PPTC7: variants seen among roughly 807,000 people sequenced by gnomAD.
PPTC7 encodes the protein protein phosphatase PTC7 homolog.
A neutral mutation model predicts 30.8 loss-of-function variants in PPTC7; 6 were observed. That is an observed-to-expected ratio of 0.19 (90% CI 0.11 to 0.38). The LOEUF (loss-of-function observed/expected upper bound fraction) is 0.38, where lower values mean the gene tolerates loss of function less well. Ranked by LOEUF, PPTC7 falls within the 10% of genes least tolerant of loss-of-function variation. The pLI is 1.00. For synonymous variants in PPTC7, 163 were observed against 168.1 expected, an observed-to-expected ratio of 0.97 and a Z score of 0.23; for missense variants, 218 against 404.8, an observed-to-expected ratio of 0.54 and a Z score of 3.96.
intron 1 of PPTC7, among the ~76,000 whole-genome samples, chr12:110,575,335 T>A (rs955932514): frequency 6.6e-6 from 1 of 152,088 alleles, no homozygotes; most frequent in Non-Finnish European, 1.5e-5. Flanking sequence ...CTAAAACTTC[T>A]GAACCTAAAG....
At chr12:110,568,793 G>A (rs887663169) in intron 1 of PPTC7, among the ~76,000 whole-genome samples, 11 of 152,096 alleles carry the variant, frequency 7.2e-5, no homozygotes, top group South Asian at 2.1e-4. Context: ...GGATCCTAGC[G>A]TTTCACAAGG....
chr12:110,555,469 T>C (rs930509901), intron 1 of PPTC7, among the ~76,000 whole-genome samples: 1 of 152,214 alleles, frequency 6.6e-6, no homozygotes, highest in African/African-American at 2.4e-5. Context: ...TACTTTGATA[T>C]ATATTTGAAA....
chr12:110,543,425 C>G (rs1593144983), intron 3 of PPTC7, among the ~76,000 whole-genome samples: 2 of 148,506 alleles, frequency 1.3e-5, no homozygotes, highest in African/African-American at 2.5e-5. Context: ...TAAGGAGATA[C>G]ATGCAGCATG....
rs116535061 is a variant in PPTC7, at chr12:110,557,252, A to G, written c.224-5284T>C. 6.1e-3 allele frequency among the ~76,000 whole-genome samples: 929 copies of G among 152,326 alleles called. 16 individuals carry two copies. Among genetic ancestry groups the G allele is most frequent in the African/African-American group, 0.021 (858 of 41,564 alleles). On this transcript the variant is annotated intron_variant, in intron 1 of 5. Transcript: ENST00000354300. The stretch of plus-strand genomic sequence containing the variant: ...GGATTCCAAAAACTTAGTACCAACA[A>G]AAGAAAAACTAAAATGACTTAGTAG...
chr12:110,555,657 A>G (rs1437360022), intron 1 of PPTC7, among the ~76,000 whole-genome samples: 2 of 152,246 alleles, frequency 1.3e-5, no homozygotes, highest in African/African-American at 4.8e-5. Flanking sequence ...TTTGGTATCC[A>G]TGAAACAGAA....
intron 2 of PPTC7, among the ~76,000 whole-genome samples, chr12:110,549,085 A>AT (rs2064332762): frequency 6.6e-6 from 1 of 152,158 alleles, no homozygotes; most frequent in South Asian, 2.1e-4. Flanking sequence ...AAATGGAAAT[A>AT]TTTTTATCAC....
At chr12:110,576,937 C>A (rs2064594095) in intron 1 of PPTC7, among the ~76,000 whole-genome samples, 3 of 152,142 alleles carry the variant, frequency 2.0e-5, no homozygotes, top group Admixed American at 2.0e-4. Flanking sequence ...GAGGCCAAGG[C>A]AGGTGGATCA....
chr12:110,571,144 G>C lies in PPTC7; in HGVS notation c.223+11665C>G, dbSNP rs997159398. Among the ~76,000 whole-genome samples the C allele has an allele frequency of 3.9e-5, 6 of 152,124 alleles. No homozygotes were observed. In the East Asian group the frequency reaches 1.2e-3, roughly 29 times the overall value. The stretch of plus-strand genomic sequence containing the variant: ...TTGTGCACTCGGAAGAAGCTAGGGT[G>C]ATAATGGGGCAAACTAAAAGTAAAA... On this transcript the variant is annotated intron_variant, in intron 1 of 5. Coordinates refer to ENST00000354300, the MANE Select transcript of PPTC7 (RefSeq NM_139283.2).
In PPTC7 at chr12:110,533,571, TTTTG is replaced by T. The variant is rs2135753977; in HGVS notation, c.*3462_*3465del. On this transcript the variant is annotated 3_prime_UTR_variant, in exon 6 of 6. Transcript: ENST00000354300. Reference sequence around the variant, plus strand: ...GAATCCAAATATGTCCTGCTTCATGTTTTGTTTCATAAGCAGATTTTGGTTTTTT... The same window carrying T: ...GAATCCAAATATGTCCTGCTTCATGTTTTCATAAGCAGATTTTGGTTTTTT... 1.3e-5 allele frequency: 2 copies of T among 151,546 alleles called. No homozygotes were observed. Among genetic ancestry groups the T allele is most frequent in the African/African-American group, 4.9e-5 (2 of 40,822 alleles). 9.4% of individuals were successfully genotyped at this position (151,546 alleles called of 1,614,324 possible).
intron 2 of PPTC7, among the ~76,000 whole-genome samples, chr12:110,548,730 C>CCTGG (rs1156289385): frequency 1.2e-4 from 19 of 152,316 alleles, no homozygotes; most frequent in African/African-American, 4.6e-4. Flanking sequence ...GCCAGGCTAT[C>CCTGG]CTTTGCTACC....
intron 1 of PPTC7, among the ~76,000 whole-genome samples, chr12:110,573,977 G>C (rs2064563317): frequency 6.6e-6 from 1 of 150,422 alleles, no homozygotes; most frequent in Non-Finnish European, 1.5e-5. Flanking sequence ...GCAAAACTCT[G>C]TCTCTAAATA....
chr12:110,555,560 G>C (rs561942223), intron 1 of PPTC7, among the ~76,000 whole-genome samples: 1 of 152,332 alleles, frequency 6.6e-6, no homozygotes, highest in African/African-American at 2.4e-5. Context: ...GCTGTGTGGA[G>C]AGCAAGAGCG....
At position 110,546,068 on chromosome 12, in the gene PPTC7, G is replaced by A. The variant is rs547176469; in HGVS notation, c.414C>T (p.Thr138=). 22 of 1,613,578 alleles carry A rather than the reference G, an allele frequency of 1.4e-5. No homozygotes were observed. The highest frequency in any genetic ancestry group is 4.0e-5 in the African/African-American group (3 of 75,002). Residue 138 remains threonine (T), a synonymous_variant, in exon 3 of 6, where the codon ACC becomes ACT. Coordinates refer to ENST00000354300, the MANE Select transcript of PPTC7 (RefSeq NM_139283.2). The stretch of plus-strand genomic sequence containing the variant: ...TTCTGTCCAGCACCACAATGCAGGC[G>A]GTGCTGCTACCTAGAAACAAAAATC... ...QNKVPLLGSS[T]ACIVVLDRTS... is the part of the protein sequence containing the mutation.
intron 2 of PPTC7, 182 bp from the exon 3 acceptor site, chr12:110,546,260 A>G (rs1310228414): frequency 5.0e-6 from 3 of 594,570 alleles, no homozygotes; most frequent in African/African-American, 1.9e-5. Context: ...CAGGGTTAAC[A>G]CGGTGGGGAA....
At chr12:110,559,180 C>A (rs2064416054) in intron 1 of PPTC7, among the ~76,000 whole-genome samples, 2 of 152,024 alleles carry the variant, frequency 1.3e-5, no homozygotes, top group Non-Finnish European at 2.9e-5. Context: ...TGCACCAACA[C>A]ACACAACTCA....
intron 1 of PPTC7, among the ~76,000 whole-genome samples, chr12:110,576,725 T>C (rs2135796711): frequency 6.6e-6 from 1 of 151,610 alleles, no homozygotes; most frequent in South Asian, 2.1e-4. Flanking sequence ...TGCTAATGGA[T>C]AGGGGGTTTC....
At chr12:110,549,739 C>T (rs1164045422) in intron 2 of PPTC7, among the ~76,000 whole-genome samples, 1 of 152,106 alleles carries the variant, frequency 6.6e-6, no homozygotes, top group Non-Finnish European at 1.5e-5. Flanking sequence ...ACCAAAGCTT[C>T]TAAAGTGTAA....
intron 3 of PPTC7, among the ~76,000 whole-genome samples, chr12:110,543,138 CAT>C (rs1365230324): frequency 6.6e-6 from 1 of 152,230 alleles, no homozygotes; most frequent in Non-Finnish European, 1.5e-5. Flanking sequence ...GTGTAAGCAA[CAT>C]GTGACAACAT....
At chr12:110,562,288 A>AT (rs2064444970) in intron 1 of PPTC7, among the ~76,000 whole-genome samples, 1 of 49,976 alleles carries the variant, frequency 2.0e-5, no homozygotes, top group Non-Finnish European at 4.5e-5. Context: ...CTCCATCTCA[A>AT]AAAAAAAAAA....
Sources: allele counts gnomAD v4.1 joint callset (sites outside exome capture counted in the v4.1 genomes callset), GRCh38; gene constraint gnomAD v4.1.1; transcripts MANE v1.5; gene names NCBI Gene and HGNC (gene_info 2026-07-23, HGNC 2026-07-21).